TRHDE: variants seen among roughly 807,000 people sequenced by gnomAD.
TRHDE encodes thyrotropin-releasing hormone-degrading ectoenzyme.
Under a neutral mutation model 125.7 loss-of-function variants are expected in TRHDE, and 72 were observed. The ratio of observed to expected loss-of-function variants is 0.57; its 90% CI spans 0.47 to 0.70. TRHDE has a LOEUF of 0.70. Among genes scored for constraint, TRHDE ranks in the 30% least tolerant of loss-of-function variants. The pLI is 0.00. For synonymous variants in TRHDE, 509 were observed against 509.1 expected, an observed-to-expected ratio of 1.00 and a Z score of 0.00; for missense variants, 1,110 against 1,327.1, an observed-to-expected ratio of 0.84 and a Z score of 2.54.
At chr12:72,537,371 G>A (rs979960901) in intron 6 of TRHDE, among the ~76,000 whole-genome samples, 1 of 151,966 alleles carries the variant, frequency 6.6e-6, no homozygotes, top group African/African-American at 2.4e-5. Context: ...GATTATGGGG[G>A]CGGTTTCCCC....
At chr12:72,587,455 T>C (rs1026455480) in intron 12 of TRHDE, among the ~76,000 whole-genome samples, 3 of 152,074 alleles carry the variant, frequency 2.0e-5, no homozygotes, top group African/African-American at 7.2e-5. Flanking sequence ...GTTACGTAGA[T>C]AGATTAGATA....
At chr12:72,147,016 G>A (rs148013111) in intron 2 of TRHDE, among the ~76,000 whole-genome samples, 43 of 152,166 alleles carry the variant, frequency 2.8e-4, no homozygotes, top group African/African-American at 9.9e-4. Context: ...AACTCCCCTC[G>A]GCATCCAGAC....
At chr12:72,475,500 A>T (rs1876849421) in intron 5 of TRHDE, among the ~76,000 whole-genome samples, 1 of 152,180 alleles carries the variant, frequency 6.6e-6, no homozygotes, top group South Asian at 2.1e-4. Context: ...TTGTTTTAGC[A>T]TGGTAATATA....
intron 15 of TRHDE, among the ~76,000 whole-genome samples, chr12:72,635,462 C>T (rs1873699835): frequency 6.6e-6 from 1 of 152,090 alleles, no homozygotes; most frequent in African/African-American, 2.4e-5. Context: ...TGCCTGTTCA[C>T]TCTGATGGTA....
At chr12:72,329,988 G>C (rs1869512471) in intron 2 of TRHDE, among the ~76,000 whole-genome samples, 1 of 152,186 alleles carries the variant, frequency 6.6e-6, no homozygotes, top group South Asian at 2.1e-4. Flanking sequence ...TTGATCCGCT[G>C]TCAGTGCAGT....
At chr12:72,298,533 C>A (rs935128425) in intron 2 of TRHDE, among the ~76,000 whole-genome samples, 14 of 152,060 alleles carry the variant, frequency 9.2e-5, no homozygotes, top group African/African-American at 3.4e-4. Context: ...CTTTAAAGAA[C>A]TGTTTTTGGC....
chr12:72,199,787 A>G (rs1469629656), intron 2 of TRHDE, among the ~76,000 whole-genome samples: 2 of 152,184 alleles, frequency 1.3e-5, no homozygotes, highest in African/African-American at 4.8e-5. Context: ...CTTGCCATTT[A>G]GTTCTTGCAT....
At chr12:72,352,584 T>C (rs1592563239) in intron 2 of TRHDE, among the ~76,000 whole-genome samples, 3 of 151,952 alleles carry the variant, frequency 2.0e-5, no homozygotes, top group Middle Eastern at 6.8e-3. Flanking sequence ...AAGCTTCCTA[T>C]ATAGATCTGG....
At chr12:72,654,832 T>C (rs570815349) in intron 17 of TRHDE, among the ~76,000 whole-genome samples, 1 of 152,282 alleles carries the variant, frequency 6.6e-6, no homozygotes, top group African/African-American at 2.4e-5. Flanking sequence ...TTCCCAGTAC[T>C]CTTACAATAA....
intron 6 of TRHDE, among the ~76,000 whole-genome samples, chr12:72,524,484 A>G (rs1477936577): frequency 1.3e-5 from 2 of 151,904 alleles, no homozygotes; most frequent in Non-Finnish European, 2.9e-5. Flanking sequence ...CAATTGGTCC[A>G]TTTCCTTTGC....
intron 2 of TRHDE, among the ~76,000 whole-genome samples, chr12:72,235,599 A>C (rs11179123): frequency 6.6e-6 from 1 of 152,002 alleles, no homozygotes; most frequent in South Asian, 2.1e-4. Context: ...TGGTTTGGCC[A>C]ATCTATGAAG....
intron 15 of TRHDE, among the ~76,000 whole-genome samples, chr12:72,647,112 A>G (rs529425828): frequency 6.6e-6 from 1 of 152,248 alleles, no homozygotes; most frequent in South Asian, 2.1e-4. Context: ...GATTGAAATT[A>G]TACCACATAC....
chr12:72,276,398 A>G (rs547618803), intron 1 of TRHDE, among the ~76,000 whole-genome samples: 19 of 152,354 alleles, frequency 1.2e-4, no homozygotes, highest in African/African-American at 4.6e-4. Context: ...GAAATGCTTA[A>G]AACAGCAATA....
intron 12 of TRHDE, among the ~76,000 whole-genome samples, chr12:72,592,548 TGTG>T (rs1308567080): frequency 1.3e-5 from 2 of 152,060 alleles, no homozygotes; most frequent in Admixed American, 6.6e-5. Flanking sequence ...CACATTAAGT[TGTG>T]GTGATTTTTT....
intron 1 of TRHDE, among the ~76,000 whole-genome samples, chr12:72,277,724 G>A (rs1879539704): frequency 6.6e-6 from 1 of 152,016 alleles, no homozygotes; most frequent in South Asian, 2.1e-4. Context: ...ACTCACTCAG[G>A]GAGAAAATCT....
At chr12:72,410,455 C>G (rs889015596) in intron 3 of TRHDE, among the ~76,000 whole-genome samples, 1 of 152,020 alleles carries the variant, frequency 6.6e-6, no homozygotes, top group African/African-American at 2.4e-5. Context: ...AAGGTAAAAT[C>G]ATAGGTCTTT....
chr12:72,498,956 AAAAT>A (rs1488506288), intron 5 of TRHDE, among the ~76,000 whole-genome samples: 1 of 141,852 alleles, frequency 7.0e-6, no homozygotes, highest in Non-Finnish European at 1.5e-5. Flanking sequence ...ATTTTTTCAG[AAAAT>A]AAATGTGTGT....
chr12:72,652,272 T>C (rs371343709), intron 15 of TRHDE, 50 bp from the exon 16 acceptor site: 110 of 1,295,326 alleles, frequency 8.5e-5, no homozygotes, highest in Non-Finnish European at 1.1e-4. Context: ...TTATTTTCAA[T>C]ACTGTTAAGC....
intron 2 of TRHDE, among the ~76,000 whole-genome samples, chr12:72,205,957 A>C (rs534746757): frequency 2.0e-5 from 3 of 152,152 alleles, no homozygotes; most frequent in African/African-American, 7.2e-5. Context: ...GTGCCATTTT[A>C]TAATCCCACG....
Sources: allele counts gnomAD v4.1 joint callset (sites outside exome capture counted in the v4.1 genomes callset), GRCh38; gene constraint gnomAD v4.1.1; transcripts MANE v1.5; gene names NCBI Gene and HGNC (gene_info 2026-07-23, HGNC 2026-07-21).